The following PRKCE variants were observed in gnomAD, a reference collection of about 807,000 sequenced individuals.
The protein encoded by PRKCE is protein kinase C epsilon type.
In PRKCE, 16 loss-of-function variants were observed where a neutral mutation model predicts 85.4. The ratio of observed to expected loss-of-function variants is 0.19; its 90% CI spans 0.13 to 0.28. PRKCE has a LOEUF of 0.28. Ranked by LOEUF, PRKCE falls within the 10% of genes least tolerant of loss-of-function variation. The pLI is 1.00. For synonymous variants in PRKCE, 388 were observed against 371.5 expected (o/e 1.04, Z -0.51); for missense variants, 573 against 975.2 (o/e 0.59, Z 5.49).
chr2:45,653,885 C>T (rs1399505817), intron 1 of PRKCE, among the ~76,000 whole-genome samples: 1 of 152,230 alleles, frequency 6.6e-6, no homozygotes, highest in Non-Finnish European at 1.5e-5. Flanking sequence ...ACAGATGTCC[C>T]TCATCTCTGC....
rs1299151207 is a variant in PRKCE at position 45,652,669 on chromosome 2, C to G, written c.348+221C>G. Among the ~76,000 whole-genome samples the G allele has an allele frequency of 6.6e-6, 1 of 152,184 alleles. No individual in the cohort carries two copies. Among genetic ancestry groups the G allele is most frequent in the African/African-American group, 2.4e-5 (1 of 41,438 alleles). On this transcript the variant is annotated intron_variant, in intron 1 of 14. Coordinates refer to ENST00000306156, the MANE Select transcript of PRKCE (RefSeq NM_005400.3). The surrounding 1 kb of genome is among the most constrained non-coding windows in gnomAD (Gnocchi z 7.7). ...TGGAAAGAGGATGTGGCCCTCTGCT[C>G]CCTCTGTGCCCTCCAGTTGGTGGGT...
At chr2:46,010,671 T>C (rs770365883) in intron 10 of PRKCE, 154 bp downstream of exon 10, 3 of 1,598,776 alleles carry the variant, frequency 1.9e-6, no homozygotes, top group South Asian at 1.1e-5. Flanking sequence ...TTGAACAGCA[T>C]CTTCTTTTTT....
chr2:46,159,916 C>T lies in PRKCE; in HGVS notation c.2067+164C>T. The T allele has an allele frequency of 5.0e-6, 4 of 792,776 alleles. No homozygotes were observed. In the South Asian group the frequency reaches 8.5e-5, roughly 17 times the overall value. The allele number at this position is 792,776 out of a possible 1,614,324, so 49.1% of individuals were successfully genotyped here. A position where few individuals can be genotyped will look rare whatever the true frequency, so the allele number is the denominator to read the frequency against. On this transcript the variant is annotated intron_variant, in intron 14 of 14. Transcript: ENST00000306156. The surrounding 1 kb of genome is among the most constrained non-coding windows in gnomAD (Gnocchi z 4.1). Reference sequence around the variant, plus strand: ...CTCCCTAAGACAATGTCTTTAGGCCCCAAGTGTTTACTATTGAAAACATGT... The same window carrying T: ...CTCCCTAAGACAATGTCTTTAGGCCTCAAGTGTTTACTATTGAAAACATGT...
At chr2:46,122,132 T>G (rs12623399) in intron 11 of PRKCE, among the ~76,000 whole-genome samples, 3 of 152,188 alleles carry the variant, frequency 2.0e-5, no homozygotes, top group Admixed American at 6.5e-5. Flanking sequence ...CTCCTTCCAG[T>G]CAGTGCTCCC....
intron 2 of PRKCE, among the ~76,000 whole-genome samples, chr2:45,970,282 C>T (rs1487956978): frequency 6.6e-6 from 1 of 152,108 alleles, no homozygotes; most frequent in East Asian, 1.9e-4. Context: ...TATGCCAAAA[C>T]TGTTTTGCTT....
At chr2:45,826,106 A>G (rs531836422) in intron 1 of PRKCE, among the ~76,000 whole-genome samples, 1 of 152,280 alleles carries the variant, frequency 6.6e-6, no homozygotes, top group South Asian at 2.1e-4. Context: ...AGTAGAAGTC[A>G]GGCCTTTGCA....
intron 2 of PRKCE, among the ~76,000 whole-genome samples, chr2:45,915,830 C>A (rs1697729656): frequency 6.6e-6 from 1 of 152,110 alleles, no homozygotes; most frequent in African/African-American, 2.4e-5. Flanking sequence ...TTCTTAGTTC[C>A]CAAGCATCCT....
intron 2 of PRKCE, among the ~76,000 whole-genome samples, chr2:45,933,006 C>T (rs986631293): frequency 6.6e-6 from 1 of 152,202 alleles, no homozygotes; most frequent in Non-Finnish European, 1.5e-5. Context: ...ATATATACCA[C>T]ATTCTGTTTA....
At chr2:45,738,935 T>C (rs954379058) in intron 1 of PRKCE, among the ~76,000 whole-genome samples, 1 of 152,252 alleles carries the variant, frequency 6.6e-6, no homozygotes, top group East Asian at 1.9e-4. Context: ...TGCATTATTT[T>C]TATTAAGCAA....
At chr2:46,064,985 T>G (rs1667495558) in intron 10 of PRKCE, among the ~76,000 whole-genome samples, 1 of 152,220 alleles carries the variant, frequency 6.6e-6, no homozygotes, top group South Asian at 2.1e-4. Flanking sequence ...AGAGAAATTT[T>G]TCATGTTCTA....
intron 1 of PRKCE, among the ~76,000 whole-genome samples, chr2:45,826,189 C>T (rs1342865195): frequency 6.6e-6 from 1 of 152,148 alleles, no homozygotes; most frequent in Non-Finnish European, 1.5e-5. Flanking sequence ...GGTCAGTCCT[C>T]ATTCCTCTAG....
At chr2:45,838,954 C>T (rs376884269) in intron 1 of PRKCE, among the ~76,000 whole-genome samples, 2 of 152,000 alleles carry the variant, frequency 1.3e-5, no homozygotes, top group South Asian at 4.2e-4. Context: ...CTATTTTATG[C>T]CGGTGCCTTT....
chr2:46,160,115 G>A, intron 14 of PRKCE: 1 of 236,772 alleles, frequency 4.2e-6, no homozygotes, highest in Non-Finnish European at 8.2e-6. Context: ...TTTCTAAATG[G>A]GTCAGTTTAA....
At chr2:45,692,142 A>C (rs571693078) in intron 1 of PRKCE, among the ~76,000 whole-genome samples, 2 of 152,288 alleles carry the variant, frequency 1.3e-5, no homozygotes, top group East Asian at 3.9e-4. Context: ...GACAGTGAGG[A>C]GTCTACAAAG....
chr2:45,918,066 TC>T (rs1697965227), intron 2 of PRKCE, among the ~76,000 whole-genome samples: 1 of 152,076 alleles, frequency 6.6e-6, no homozygotes, highest in Non-Finnish European at 1.5e-5. Flanking sequence ...CCTCCACACC[TC>T]CCTGCAACCT....
intron 1 of PRKCE, among the ~76,000 whole-genome samples, chr2:45,839,768 C>G (rs1691196900): frequency 1.3e-5 from 2 of 152,232 alleles, no homozygotes; most frequent in African/African-American, 2.4e-5. Context: ...GTTGAAGACC[C>G]ACCACCTTGG....
intron 10 of PRKCE, among the ~76,000 whole-genome samples, chr2:46,044,704 G>A (rs942688760): frequency 1.3e-5 from 2 of 152,134 alleles, no homozygotes; most frequent in Non-Finnish European, 2.9e-5. Flanking sequence ...CACCACACAC[G>A]AAGCTTTAAT....
intron 2 of PRKCE, among the ~76,000 whole-genome samples, chr2:45,956,682 C>A (rs1466948581): frequency 6.6e-6 from 1 of 152,066 alleles, no homozygotes; most frequent in Non-Finnish European, 1.5e-5. Context: ...GAGACTCGGT[C>A]TCACACAAAG....
At chr2:45,976,129 C>A (rs867989287) in intron 2 of PRKCE, among the ~76,000 whole-genome samples, 31 of 152,322 alleles carry the variant, frequency 2.0e-4, no homozygotes, top group African/African-American at 6.7e-4. Flanking sequence ...CCCTTGAAAC[C>A]AGCTGTAGCC....
Sources: allele counts gnomAD v4.1 joint callset (sites outside exome capture counted in the v4.1 genomes callset), GRCh38; gene constraint gnomAD v4.1.1; non-coding constraint Gnocchi (gnomAD v3.1); transcripts MANE v1.5; gene names NCBI Gene and HGNC (gene_info 2026-07-23, HGNC 2026-07-21).